Variants in VSX2 observed in about 807,000 individuals in gnomAD.
VSX2 encodes the protein visual system homeobox 2, also known as ceh-10 homeo domain containing homolog.
Under a neutral mutation model 32.1 loss-of-function variants are expected in VSX2, and 28 were observed. That is an observed-to-expected ratio of 0.87 (90% CI 0.65 to 1.20). VSX2 has a LOEUF of 1.20. Among genes scored for constraint, VSX2 ranks in the 50% most tolerant of loss-of-function variants. The probability of loss-of-function intolerance (pLI) is 0.00; values close to 1 mark genes in which losing one functional copy is unlikely to be tolerated. For synonymous variants in VSX2, 243 were observed against 214.1 expected (o/e 1.14, Z -1.18); for missense variants, 506 against 488.7 (o/e 1.04, Z -0.33).
chr14:74,255,399 T>C (rs1437532956), intron 3 of VSX2, among the ~76,000 whole-genome samples: 1 of 152,216 alleles, frequency 6.6e-6, no homozygotes, highest in Non-Finnish European at 1.5e-5. Flanking sequence ...CCTCTATAAA[T>C]TGGAGCAGCA....
At chr14:74,243,470 C>A (rs1298553996) in intron 2 of VSX2, among the ~76,000 whole-genome samples, 1 of 152,056 alleles carries the variant, frequency 6.6e-6, no homozygotes, top group Non-Finnish European at 1.5e-5. Flanking sequence ...AAGAGGGGCT[C>A]TCCGAAGTAG....
At chr14:74,258,688 G>A (rs2079283876) in intron 3 of VSX2, among the ~76,000 whole-genome samples, 1 of 152,144 alleles carries the variant, frequency 6.6e-6, no homozygotes, top group Admixed American at 6.5e-5. Flanking sequence ...TGCTCTGGGG[G>A]ACCAAGAAAT....
intron 3 of VSX2, among the ~76,000 whole-genome samples, chr14:74,256,158 C>T (rs924371325): frequency 2.0e-5 from 3 of 152,154 alleles, no homozygotes; most frequent in Non-Finnish European, 4.4e-5. Context: ...TGGCCAGGCA[C>T]GGTGGCTCAC....
At chr14:74,259,178 G>A (rs568161053) in intron 3 of VSX2, among the ~76,000 whole-genome samples, 8 of 152,358 alleles carry the variant, frequency 5.3e-5, no homozygotes, top group African/African-American at 1.9e-4. Flanking sequence ...TTCTGGCAGA[G>A]AGGAAGCCCT....
At position 74,260,782 on chromosome 14, in the gene VSX2, A is replaced by G; in HGVS notation, c.949A>G (p.Ser317Gly). Residue 317 changes from serine (S) to glycine (G), a missense_variant, in exon 5 of 5, where the codon AGC (serine) becomes GGC (glycine). Coordinates refer to ENST00000261980, the MANE Select transcript of VSX2 (RefSeq NM_182894.3). The part of the protein sequence containing the change: ...AVLRAKAQEH[S>G]TKVLGTVSGP... Reference sequence around the variant, plus strand: ...GCTCCGGGCCAAAGCTCAGGAGCACAGCACCAAAGTGCTGGGGACTGTGTC... The same window carrying G: ...GCTCCGGGCCAAAGCTCAGGAGCACGGCACCAAAGTGCTGGGGACTGTGTC... The G allele has an allele frequency of 6.3e-7, 1 of 1,580,018 alleles. No homozygotes were observed. Among genetic ancestry groups the G allele is most frequent in the Non-Finnish European group, 8.6e-7 (1 of 1,163,088 alleles).
At chr14:74,251,172 G>A (rs902632561) in intron 3 of VSX2, among the ~76,000 whole-genome samples, 1 of 151,946 alleles carries the variant, frequency 6.6e-6, no homozygotes, top group Non-Finnish European at 1.5e-5. Flanking sequence ...AAATTACGCC[G>A]GGTACGGTGG....
At chr14:74,257,034 C>T (rs774812248) in intron 3 of VSX2, among the ~76,000 whole-genome samples, 8 of 152,052 alleles carry the variant, frequency 5.3e-5, no homozygotes, top group Non-Finnish European at 1.2e-4. Context: ...GAGAAAGCAG[C>T]TTGCAGCAAG....
chr14:74,244,188 G>A (rs928379954), intron 2 of VSX2, among the ~76,000 whole-genome samples: 3 of 152,194 alleles, frequency 2.0e-5, no homozygotes, highest in African/African-American at 7.2e-5. Flanking sequence ...TTCCTAAGGT[G>A]AGAGAATGTA....
intron 2 of VSX2, among the ~76,000 whole-genome samples, chr14:74,244,919 T>TGAGAGAGAGAGAAAGAGAGAGAGAAA (rs1178977213): frequency 2.4e-5 from 1 of 41,184 alleles, no homozygotes; most frequent in African/African-American, 5.4e-5. Flanking sequence ...TGTGTGTGTG[T>TGAGAGAGAGAGAAAGAGAGAGAGAAA]GTGTGTGTGT....
rs2079139217 is a variant in VSX2, at chr14:74,240,047, G to A, written c.370+116G>A. 6 of 1,377,298 alleles carry A rather than the reference G, an allele frequency of 4.4e-6. No individual in the cohort carries two copies. In the South Asian group the frequency reaches 5.7e-5, roughly 13 times the overall value. The allele number at this position is 1,377,298 out of a possible 1,614,324, so 85.3% of individuals were successfully genotyped here. A position where few individuals can be genotyped will look rare whatever the true frequency, so the allele number is the denominator to read the frequency against. On this transcript the variant is annotated intron_variant, in intron 1 of 4. Transcript: ENST00000261980. Reference sequence around the variant, plus strand: ...CAGGCGGAAAAGTTCCTGCCAGGCCGGGGGTCGCCGCCTGGGCCTTGGGCC... The same window carrying A: ...CAGGCGGAAAAGTTCCTGCCAGGCCAGGGGTCGCCGCCTGGGCCTTGGGCC...
intron 3 of VSX2, 66 bp downstream of exon 3, chr14:74,245,354 T>G: frequency 6.2e-7 from 1 of 1,604,526 alleles, no homozygotes; most frequent in Non-Finnish European, 8.5e-7. Context: ...CACTCCAGGG[T>G]TCCAGATGCC....
At chr14:74,250,868 C>T (rs144635715) in intron 3 of VSX2, among the ~76,000 whole-genome samples, 1 of 151,668 alleles carries the variant, frequency 6.6e-6, no homozygotes, top group Non-Finnish European at 1.5e-5. Context: ...AGGATAGTCT[C>T]GATCTCTTGA....
chr14:74,245,094 C>G (rs945489763), intron 2 of VSX2, 71 bp from the exon 3 acceptor site: 1 of 1,602,390 alleles, frequency 6.2e-7, no homozygotes. Flanking sequence ...CAGAGGAAGG[C>G]GGTTCTGTCT....
rs1254816171 is a variant in VSX2 at position 74,262,597 on chromosome 14, T to C, written c.*1678T>C. The C allele has an allele frequency of 6.6e-6, 1 of 152,230 alleles. No individual in the cohort carries two copies. The highest frequency in any genetic ancestry group is 1.9e-4 in the East Asian group (1 of 5,202). 9.4% of individuals were successfully genotyped at this position (152,230 alleles called of 1,614,324 possible). A position where few individuals can be genotyped will look rare whatever the true frequency, so the allele number is the denominator to read the frequency against. On this transcript the variant is annotated 3_prime_UTR_variant, in exon 5 of 5. Transcript: ENST00000261980. ...ACTATAGCCCCTGGTGTGTAAATAATGTACATAGAGTGAGAAGAAAGAAAC... is the reference window on the plus strand; with the variant it reads ...ACTATAGCCCCTGGTGTGTAAATAACGTACATAGAGTGAGAAGAAAGAAAC...
intron 3 of VSX2, among the ~76,000 whole-genome samples, chr14:74,255,629 C>A (rs776524267): frequency 1.3e-5 from 2 of 152,152 alleles, no homozygotes; most frequent in African/African-American, 2.4e-5. Flanking sequence ...CGAGTCTGCA[C>A]CCCCTTCTTT....
Position 74,259,662 on chromosome 14 carries a change from AGT to A in VSX2, c.643_644del (p.Val215HisfsTer130). 1 of 1,614,158 alleles carries A rather than the reference AGT, an allele frequency of 6.2e-7. No individual in the cohort carries two copies. ...GCGGGAGAAGTGCTGGGGCCGGAGC[AGT>A]GTCATGGCGGAGTATGGGCTCTACG... ...RKREKCWGRSSVMAEYGLYGA... is the reference protein window; with the variant it reads ...RKREKCWGRSXVMAEYGLYGA... On this transcript the variant is annotated frameshift_variant, in exon 4 of 5. Coordinates refer to ENST00000261980, the MANE Select transcript of VSX2 (RefSeq NM_182894.3). LOFTEE classifies it high-confidence loss of function.
intron 3 of VSX2, among the ~76,000 whole-genome samples, chr14:74,248,361 C>CAAAA (rs1491196982): frequency 0.18 from 23,546 of 132,572 alleles, 2,436 homozygotes; most frequent in Middle Eastern, 0.25. Flanking sequence ...ACAAAAAAAA[C>CAAAA]CAAAAACGAG....
intron 3 of VSX2, among the ~76,000 whole-genome samples, chr14:74,249,686 A>G (rs1229087848): frequency 1.3e-5 from 2 of 152,220 alleles, no homozygotes; most frequent in Non-Finnish European, 1.5e-5. Context: ...ATTCAAACCC[A>G]GTACTCAGCT....
At chr14:74,246,458 G>A (rs1027763516) in intron 3 of VSX2, among the ~76,000 whole-genome samples, 3 of 152,210 alleles carry the variant, frequency 2.0e-5, no homozygotes, top group African/African-American at 4.8e-5. Flanking sequence ...AATTTCAGCC[G>A]ATGGTTTTAG....
Sources: allele counts gnomAD v4.1 joint callset (sites outside exome capture counted in the v4.1 genomes callset), GRCh38; gene constraint gnomAD v4.1.1; transcripts MANE v1.5; gene names NCBI Gene and HGNC (gene_info 2026-07-23, HGNC 2026-07-21).